TPP2: variants seen among roughly 807,000 people sequenced by gnomAD.
TPP2 encodes tripeptidyl peptidase 2, also known as tripeptidyl-peptidase 2.
In TPP2, 34 loss-of-function variants were observed where a neutral mutation model predicts 155.9. The observed-to-expected ratio is 0.22, with a 90% CI of 0.17 to 0.29. The LOEUF (loss-of-function observed/expected upper bound fraction) is 0.29. Ranked by LOEUF, TPP2 falls within the 10% of genes least tolerant of loss-of-function variation. TPP2 has a pLI of 1.00. For missense variants in TPP2, 1,028 were observed against 1,522.3 expected (o/e 0.68, Z 5.40); for synonymous variants, 510 against 529.4 (o/e 0.96, Z 0.50).
At chr13:102,664,074 G>T (rs986873449) in intron 26 of TPP2, among the ~76,000 whole-genome samples, 1 of 152,226 alleles carries the variant, frequency 6.6e-6, no homozygotes, top group Non-Finnish European at 1.5e-5. Context: ...TTCACTGAAA[G>T]AATTCCTACT....
chr13:102,672,486 GCTTTTGCAAAA>G (rs1160815633), intron 27 of TPP2, among the ~76,000 whole-genome samples: 1 of 152,196 alleles, frequency 6.6e-6, no homozygotes, highest in Non-Finnish European at 1.5e-5. Flanking sequence ...CTCTTTCGAA[GCTTTTGCAAAA>G]CCTCGCGGCC....
At position 102,668,025 on chromosome 13, in the gene TPP2, A is replaced by G. The variant is rs181085712; in HGVS notation, c.3371+3100A>G. The G allele has an allele frequency of 6.1e-5, 10 of 164,960 alleles. No homozygotes were observed. The East Asian group carries it at 1.9e-3, about 31-fold the overall frequency. 10.2% of individuals were successfully genotyped at this position (164,960 alleles called of 1,614,324 possible). A position where few individuals can be genotyped will look rare whatever the true frequency, so the allele number is the denominator to read the frequency against. ...TTGGAGCAAACACAATTTGTGGGTAATAAACATTGTCGACCCCCAAGTAGA... is the reference window on the plus strand; with the variant it reads ...TTGGAGCAAACACAATTTGTGGGTAGTAAACATTGTCGACCCCCAAGTAGA... On this transcript the variant is annotated intron_variant, in intron 27 of 29. Coordinates refer to ENST00000376052, the MANE Select transcript of TPP2 (RefSeq NM_001330588.2).
chr13:102,672,335 C>T (rs569083277), intron 27 of TPP2, among the ~76,000 whole-genome samples: 1 of 152,236 alleles, frequency 6.6e-6, no homozygotes, highest in Admixed American at 6.5e-5. Flanking sequence ...AGAAAGCAGT[C>T]CTGCTTGTGA....
chr13:102,637,315 T>C, intron 14 of TPP2, 76 bp downstream of exon 14: 1 of 1,477,284 alleles, frequency 6.8e-7, no homozygotes, highest in Middle Eastern at 2.1e-4. Context: ...CCAAAGTATA[T>C]TTGCAATATA....
chr13:102,678,124 C>G (rs985283321), intron 29 of TPP2, 103 bp from the exon 30 acceptor site: 7 of 1,117,370 alleles, frequency 6.3e-6, no homozygotes, highest in Non-Finnish European at 8.8e-6. Context: ...GTTCTATATG[C>G]TACTACCTTA....
At chr13:102,647,939 G>A (rs1883234868) in intron 21 of TPP2, among the ~76,000 whole-genome samples, 1 of 152,058 alleles carries the variant, frequency 6.6e-6, no homozygotes, top group Admixed American at 6.6e-5. Context: ...ATAATTTTAT[G>A]TTGACAAATG....
chr13:102,647,456 G>A, intron 21 of TPP2, 112 bp downstream of exon 21: 1 of 1,358,976 alleles, frequency 7.4e-7, no homozygotes, highest in Admixed American at 2.9e-5. Context: ...AAAAATTATA[G>A]CTTTGTGTTT....
intron 10 of TPP2, 39 bp downstream of exon 10, chr13:102,630,234 G>C: frequency 6.6e-7 from 1 of 1,504,732 alleles, no homozygotes; most frequent in Non-Finnish European, 9.2e-7. Context: ...ACGTATATTC[G>C]GTTAAACTTT....
chr13:102,640,129 G>A (rs959011015), intron 15 of TPP2, 141 bp from the exon 16 acceptor site: 26 of 613,394 alleles, frequency 4.2e-5, no homozygotes, highest in African/African-American at 4.0e-4. Context: ...GAACAATATC[G>A]TACCTACTGT....
intron 27 of TPP2, among the ~76,000 whole-genome samples, chr13:102,672,193 G>A (rs879371889): frequency 5.1e-4 from 77 of 152,238 alleles, no homozygotes; most frequent in African/African-American, 1.6e-3. Flanking sequence ...AGGGACTGCC[G>A]GCACTAGGGG....
chr13:102,676,024 T>G (rs1885261886), intron 28 of TPP2, among the ~76,000 whole-genome samples: 1 of 152,156 alleles, frequency 6.6e-6, no homozygotes, highest in South Asian at 2.1e-4. Flanking sequence ...CTCTGGTTTC[T>G]TGTGCATGAA....
rs1283980835 is a variant in TPP2 at position 102,676,560 on chromosome 13, A to G, written c.3699+145A>G. Reference sequence around the variant, plus strand: ...CAGTAATTAGCGTAATATGAACTATAGAATAAATATATGAGAGACAGTCAA... The same window carrying G: ...CAGTAATTAGCGTAATATGAACTATGGAATAAATATATGAGAGACAGTCAA... On this transcript the variant is annotated intron_variant, in intron 29 of 29. Coordinates refer to ENST00000376052, the MANE Select transcript of TPP2 (RefSeq NM_001330588.2). 4 of 999,166 alleles carry G rather than the reference A, an allele frequency of 4.0e-6. No individual in the cohort carries two copies. The East Asian group carries it at 1.1e-4, about 29-fold the overall frequency. The allele number at this position is 999,166 out of a possible 1,614,324, so 61.9% of individuals were successfully genotyped here. A position where few individuals can be genotyped will look rare whatever the true frequency, so the allele number is the denominator to read the frequency against.
At chr13:102,613,409 C>G (rs1880465652) in intron 2 of TPP2, among the ~76,000 whole-genome samples, 1 of 152,162 alleles carries the variant, frequency 6.6e-6, no homozygotes, top group Non-Finnish European at 1.5e-5. Flanking sequence ...GTTTTGATGA[C>G]CACGGTTCCA....
chr13:102,652,397 CATATATATATATATATATATATAT>C lies in TPP2; in HGVS notation c.2991+1034_2991+1057del, dbSNP rs10530428. On this transcript the variant is annotated intron_variant, in intron 24 of 29. Transcript: ENST00000376052. The stretch of plus-strand genomic sequence containing the variant: ...CCTGTCTCAAAACAAAACATACATA[CATATATATATATATATATATATAT>C]ATATATATATATATATATATATATA... 3.4e-3 allele frequency among the ~76,000 whole-genome samples: 429 copies of C among 125,530 alleles called. 8 individuals carry two copies. The highest frequency in any genetic ancestry group is 0.013 in the East Asian group (57 of 4,282). The allele number at this position is 125,530 out of a possible 152,430, so 82.4% of individuals were successfully genotyped here.
At chr13:102,631,760 A>T (rs569008424) in intron 10 of TPP2, among the ~76,000 whole-genome samples, 2 of 152,374 alleles carry the variant, frequency 1.3e-5, no homozygotes, top group East Asian at 3.9e-4. Flanking sequence ...TAAACATGAA[A>T]TAATATTAGA....
At chr13:102,651,221 A>G in intron 23 of TPP2, 138 bp from the exon 24 acceptor site, 1 of 798,988 alleles carries the variant, frequency 1.3e-6, no homozygotes, top group Admixed American at 3.6e-5. Flanking sequence ...AAAGCATGCC[A>G]TCTTAATCAC....
rs545594985 is a variant in TPP2, at chr13:102,619,195, T to C, written c.620+349T>C. 5.9e-5 allele frequency among the ~76,000 whole-genome samples: 9 copies of C among 152,336 alleles called. No homozygotes were observed. The East Asian group carries it at 1.2e-3, about 20-fold the overall frequency. On this transcript the variant is annotated intron_variant, in intron 5 of 29. Coordinates refer to ENST00000376052, the MANE Select transcript of TPP2 (RefSeq NM_001330588.2). Reference sequence around the variant, plus strand: ...AAATTAAATTTGATGTTTCTAGATATAGTAAGCAATCAATGTACGCTGTTG... The same window carrying C: ...AAATTAAATTTGATGTTTCTAGATACAGTAAGCAATCAATGTACGCTGTTG...
chr13:102,674,193 C>A, intron 27 of TPP2, 90 bp from the exon 28 acceptor site: 1 of 1,359,122 alleles, frequency 7.4e-7, no homozygotes, highest in Non-Finnish European at 1.0e-6. Context: ...AAATCTTAGG[C>A]AAAAGAATAC....
chr13:102,662,082 C>T (rs1041641363), intron 25 of TPP2, among the ~76,000 whole-genome samples: 1 of 152,088 alleles, frequency 6.6e-6, no homozygotes, highest in African/African-American at 2.4e-5. Context: ...CCTTTTCAGC[C>T]ATGAATGGGA....
Sources: allele counts gnomAD v4.1 joint callset (sites outside exome capture counted in the v4.1 genomes callset), GRCh38; gene constraint gnomAD v4.1.1; transcripts MANE v1.5; gene names NCBI Gene and HGNC (gene_info 2026-07-23, HGNC 2026-07-21).